Variants in MEGF9 observed in about 807,000 individuals in gnomAD.
MEGF9 encodes the protein multiple epidermal growth factor-like domains protein 9.
A neutral mutation model predicts 46.8 loss-of-function variants in MEGF9; 6 were observed. That is an observed-to-expected ratio of 0.13 (90% CI 0.07 to 0.25). The LOEUF (loss-of-function observed/expected upper bound fraction) is 0.25. MEGF9 is among the 10% of genes least tolerant of loss of function. MEGF9 has a pLI of 1.00. For synonymous variants in MEGF9, 302 were observed against 330.7 expected (o/e 0.91, Z 0.94); for missense variants, 683 against 792.4 (o/e 0.86, Z 1.66).
chr9:120,628,404 T>C (rs895202172), intron 2 of MEGF9, among the ~76,000 whole-genome samples: 11 of 151,364 alleles, frequency 7.3e-5, no homozygotes, highest in African/African-American at 2.7e-4. Flanking sequence ...CTTGTATTTT[T>C]GAGGGCAAAT....
At chr9:120,636,814 T>TG (rs1014026329) in intron 2 of MEGF9, among the ~76,000 whole-genome samples, 266 of 148,780 alleles carry the variant, frequency 1.8e-3, no homozygotes, top group Non-Finnish European at 2.6e-3. Context: ...GTCTGGGAGG[T>TG]GGGGGGGCGC....
chr9:120,628,468 GTTTTTTTTTTTTTT>G (rs1170322238), intron 2 of MEGF9, among the ~76,000 whole-genome samples: 2 of 69,032 alleles, frequency 2.9e-5, no homozygotes, highest in African/African-American at 5.8e-5. Context: ...TCTTGTCGTT[GTTTTTTTTTTTTTT>G]TTTTTTTTTT....
At chr9:120,692,984 C>T (rs780972172) in intron 1 of MEGF9, among the ~76,000 whole-genome samples, 3 of 152,108 alleles carry the variant, frequency 2.0e-5, no homozygotes, top group African/African-American at 7.2e-5. Context: ...CCATATCCTT[C>T]GCTATGTTCT....
chr9:120,639,329 T>C (rs2043592016), intron 2 of MEGF9, among the ~76,000 whole-genome samples: 1 of 151,792 alleles, frequency 6.6e-6, no homozygotes. Context: ...GCCAACATGG[T>C]GAGACCCTGT....
chr9:120,641,631 C>A (rs1212521712), intron 2 of MEGF9, among the ~76,000 whole-genome samples: 4 of 152,258 alleles, frequency 2.6e-5, no homozygotes, highest in Admixed American at 6.5e-5. Flanking sequence ...TTCAATAGGT[C>A]TGGTGTTGGG....
intron 2 of MEGF9, among the ~76,000 whole-genome samples, chr9:120,642,343 C>T (rs952565216): frequency 8.5e-5 from 13 of 152,268 alleles, no homozygotes; most frequent in African/African-American, 3.1e-4. Context: ...GCTCACACTG[C>T]CATATCTAAT....
At chr9:120,652,142 G>A (rs868102462) in intron 2 of MEGF9, among the ~76,000 whole-genome samples, 9 of 26,136 alleles carry the variant, frequency 3.4e-4, no homozygotes, top group Admixed American at 2.6e-3. Context: ...AAACAAACAA[G>A]CACACACACA....
intron 1 of MEGF9, among the ~76,000 whole-genome samples, chr9:120,691,210 G>T (rs931930116): frequency 6.6e-6 from 1 of 151,984 alleles, no homozygotes; most frequent in African/African-American, 2.4e-5. Context: ...CTCAAAAAAT[G>T]ATCAATCAAT....
chr9:120,700,380 T>C (rs1225451771), intron 1 of MEGF9, among the ~76,000 whole-genome samples: 1 of 152,230 alleles, frequency 6.6e-6, no homozygotes, highest in Admixed American at 6.5e-5. Flanking sequence ...CAATTCAGTA[T>C]AATAATACCC....
rs935722585 is a variant in MEGF9, at chr9:120,630,465, A to C, written c.804-7710T>G. 6.6e-5 allele frequency among the ~76,000 whole-genome samples: 10 copies of C among 152,348 alleles called. 1 individual carries two copies. The South Asian group carries it at 2.1e-3, about 32-fold the overall frequency. The stretch of plus-strand genomic sequence containing the variant: ...CTTGGCTATTGTGAAGTGCTGCAAT[A>C]AACATGGGCATGCAAATATCTCTTT... On this transcript the variant is annotated intron_variant, in intron 2 of 5. Transcript: ENST00000373930.
intron 2 of MEGF9, among the ~76,000 whole-genome samples, chr9:120,644,845 A>C (rs1360431128): frequency 6.6e-6 from 1 of 152,218 alleles, no homozygotes; most frequent in African/African-American, 2.4e-5. Flanking sequence ...GAAGGAAGTC[A>C]AACTACAGAC....
intron 1 of MEGF9, among the ~76,000 whole-genome samples, chr9:120,678,812 T>C (rs1587993137): frequency 6.6e-6 from 1 of 152,306 alleles, no homozygotes; most frequent in East Asian, 1.9e-4. Flanking sequence ...TCATGTTCAC[T>C]AGTTCTTCTG....
chr9:120,624,029 A>T (rs1296165354), intron 2 of MEGF9, among the ~76,000 whole-genome samples: 4 of 152,238 alleles, frequency 2.6e-5, no homozygotes, highest in African/African-American at 9.6e-5. Flanking sequence ...ACTTAATAAT[A>T]TTGTGTAACC....
chr9:120,613,916 G>C (rs1313188818), intron 3 of MEGF9, among the ~76,000 whole-genome samples: 2 of 151,870 alleles, frequency 1.3e-5, no homozygotes, highest in African/African-American at 4.8e-5. Flanking sequence ...TAAAAGGGGA[G>C]AGAGAATAAG....
chr9:120,605,659 G>T lies in MEGF9; in HGVS notation c.1358-18C>A. ...AATAACTTCTGAAAATAAAAACAGA[G>T]AATGAAATGTAAAAGACAAAATTAT... On this transcript the variant is annotated intron_variant, in intron 5 of 5. Transcript: ENST00000373930. This position sits in a 1 kb window ranked among gnomAD's most constrained non-coding sequence, Gnocchi z 4.0. 1 of 1,506,326 alleles carries T rather than the reference G, an allele frequency of 6.6e-7. No homozygotes were observed. Among genetic ancestry groups the T allele is most frequent in the South Asian group, 1.3e-5 (1 of 78,398 alleles). The allele number at this position is 1,506,326 out of a possible 1,614,324, so 93.3% of individuals were successfully genotyped here. A position where few individuals can be genotyped will look rare whatever the true frequency, so the allele number is the denominator to read the frequency against.
intron 1 of MEGF9, among the ~76,000 whole-genome samples, chr9:120,670,559 C>T (rs893577699): frequency 3.3e-5 from 5 of 152,208 alleles, no homozygotes; most frequent in African/African-American, 1.2e-4. Flanking sequence ...GTTTCAATAT[C>T]CATTGCCAGC....
At chr9:120,711,844 T>TACATACACACACACACAC (rs1483546554) in intron 1 of MEGF9, among the ~76,000 whole-genome samples, 112 of 143,566 alleles carry the variant, frequency 7.8e-4, no homozygotes, top group African/African-American at 2.7e-3. Flanking sequence ...CATACATACA[T>TACATACACACACACACAC]ACACACACAC....
chr9:120,674,765 T>C (rs1433730658), intron 1 of MEGF9, among the ~76,000 whole-genome samples: 1 of 152,112 alleles, frequency 6.6e-6, no homozygotes, highest in Non-Finnish European at 1.5e-5. Flanking sequence ...GACAGGGGTC[T>C]TGCTATGTTG....
intron 5 of MEGF9, among the ~76,000 whole-genome samples, chr9:120,606,993 A>G (rs1446618226): frequency 6.6e-6 from 1 of 152,186 alleles, no homozygotes; most frequent in Non-Finnish European, 1.5e-5. Flanking sequence ...ATAGGGTTCA[A>G]TCTGAATCTT....
Sources: gnomAD v4.1 joint callset for allele counts (sites outside exome capture counted in the v4.1 genomes callset) on GRCh38, gnomAD v4.1.1 for gene constraint, Gnocchi (gnomAD v3.1) non-coding constraint, MANE v1.5 for transcripts, NCBI Gene and HGNC (gene_info 2026-07-23, HGNC 2026-07-21) for gene names.